The following KIF13B variants were observed in gnomAD, a reference collection of about 807,000 sequenced individuals.
The protein encoded by KIF13B is kinesin-like protein KIF13B.
Under a neutral mutation model 222.0 loss-of-function variants are expected in KIF13B, and 127 were observed. The observed-to-expected ratio is 0.57, with a 90% CI of 0.50 to 0.66. The LOEUF is 0.66. KIF13B is among the 30% of genes least tolerant of loss of function. The pLI is 0.00. For missense variants in KIF13B, 2,173 were observed against 2,379.0 expected, an observed-to-expected ratio of 0.91 and a Z score of 1.80; for synonymous variants, 976 against 919.0, an observed-to-expected ratio of 1.06 and a Z score of -1.12.
At chr8:29,104,902 G>A (rs1171751307) in intron 35 of KIF13B, among the ~76,000 whole-genome samples, 4 of 151,522 alleles carry the variant, frequency 2.6e-5, no homozygotes, top group Middle Eastern at 3.4e-3. Flanking sequence ...CCACCACCTC[G>A]CCCGGCTAAT....
At chr8:29,153,361 G>A (rs546471397) in intron 14 of KIF13B, among the ~76,000 whole-genome samples, 16 of 152,064 alleles carry the variant, frequency 1.1e-4, no homozygotes, top group Non-Finnish European at 1.5e-4. Flanking sequence ...TAAAGTCTTC[G>A]GTAACTTCCC....
Position 29,193,176 on chromosome 8 carries a change from C to T in KIF13B, c.163-2119G>A, listed in dbSNP as rs181478007. 2.0e-3 allele frequency among the ~76,000 whole-genome samples: 305 copies of T among 152,308 alleles called. 1 individual carries two copies. The highest frequency in any genetic ancestry group is 6.2e-3 in the African/African-American group (256 of 41,564). ...CCAGGAAGTGAAAGCAGACCCCCAG[C>T]GGCTGACAGCCCCTGAGAGCCCTTG... On this transcript the variant is annotated intron_variant, in intron 3 of 39. Transcript: ENST00000524189.
Position 29,165,660 on chromosome 8 carries a change from A to C in KIF13B, c.1269+2T>G. On this transcript the variant is annotated splice_donor_variant, in intron 12 of 39. Coordinates refer to ENST00000524189, the MANE Select transcript of KIF13B (RefSeq NM_015254.4). LOFTEE classifies it high-confidence loss of function. ...TGCGCTTCATCATCAGGAAACACGA[A>C]CCTGTGCAATCTCCTCCGTTTTCCT... 3 of 1,589,026 alleles carry C rather than the reference A, an allele frequency of 1.9e-6. No homozygotes were observed. Among genetic ancestry groups the C allele is most frequent in the Non-Finnish European group, 2.6e-6 (3 of 1,157,248 alleles).
chr8:29,181,843 CAAATT>C (rs1233515043), intron 7 of KIF13B, 71 bp downstream of exon 7: 2 of 960,480 alleles, frequency 2.1e-6, no homozygotes, highest in African/African-American at 1.7e-5. Context: ...TTAAAAATAA[CAAATT>C]AAGCCAAGAA....
chr8:29,136,246 G>T (rs896502987), intron 21 of KIF13B, among the ~76,000 whole-genome samples: 5 of 152,164 alleles, frequency 3.3e-5, no homozygotes, highest in Non-Finnish European at 7.4e-5. Flanking sequence ...ATGGCATTTG[G>T]GAAGATTACA....
chr8:29,137,042 C>T (rs957890057), intron 21 of KIF13B, among the ~76,000 whole-genome samples: 11 of 151,934 alleles, frequency 7.2e-5, no homozygotes, highest in East Asian at 5.8e-4. Context: ...CCTTGTGATC[C>T]GCCCGCCTCA....
intron 1 of KIF13B, among the ~76,000 whole-genome samples, chr8:29,262,162 A>C (rs1255343012): frequency 6.6e-6 from 1 of 152,188 alleles, no homozygotes; most frequent in Admixed American, 6.5e-5. Flanking sequence ...GCCAAGACCC[A>C]GCCCACCTCC....
chr8:29,108,405 G>T (rs938305401), intron 34 of KIF13B, among the ~76,000 whole-genome samples: 1 of 152,186 alleles, frequency 6.6e-6, no homozygotes, highest in Middle Eastern at 3.2e-3. Flanking sequence ...ATTTCTATAA[G>T]ATCTGGATAT....
intron 37 of KIF13B, among the ~76,000 whole-genome samples, chr8:29,081,749 G>T (rs992133685): frequency 3.3e-5 from 5 of 152,162 alleles, no homozygotes; most frequent in Non-Finnish European, 5.9e-5. Flanking sequence ...TACATGGCTC[G>T]CATTATGTAT....
Position 29,222,217 on chromosome 8 carries a change from G to A in KIF13B, c.149+23129C>T, listed in dbSNP as rs984447575. Among the ~76,000 whole-genome samples the A allele has an allele frequency of 4.6e-5, 7 of 152,032 alleles. No individual in the cohort carries two copies. The South Asian group carries it at 8.3e-4, about 18-fold the overall frequency. On this transcript the variant is annotated intron_variant, in intron 2 of 39. Transcript: ENST00000524189. ...AAAAAAAGAATTAGCTGGTCATGGT[G>A]TTGTGTGCCTGTAGCTCCAGCTACT...
intron 1 of KIF13B, among the ~76,000 whole-genome samples, chr8:29,261,227 C>G (rs1406575537): frequency 6.6e-6 from 1 of 152,146 alleles, no homozygotes; most frequent in African/African-American, 2.4e-5. Context: ...TTGTTGAACC[C>G]AAGGATCAGC....
chr8:29,095,288 T>C (rs1357210855), intron 36 of KIF13B, among the ~76,000 whole-genome samples: 1 of 152,220 alleles, frequency 6.6e-6, no homozygotes, highest in East Asian at 1.9e-4. Flanking sequence ...AAATGATGGC[T>C]GAATTCTCAG....
intron 6 of KIF13B, among the ~76,000 whole-genome samples, chr8:29,182,255 A>G (rs1230548620): frequency 1.3e-5 from 2 of 152,254 alleles, no homozygotes; most frequent in Non-Finnish European, 2.9e-5. Context: ...TACTACAAAG[A>G]ATGCAGAGTC....
chr8:29,220,235 T>C (rs926385214), intron 2 of KIF13B, among the ~76,000 whole-genome samples: 1 of 152,210 alleles, frequency 6.6e-6, no homozygotes, highest in African/African-American at 2.4e-5. Flanking sequence ...TTCTTTTGTA[T>C]AGTTAATGTA....
chr8:29,119,121 C>T (rs939390910), intron 29 of KIF13B, 129 bp from the exon 30 acceptor site: 11 of 960,446 alleles, frequency 1.1e-5, no homozygotes, highest in Non-Finnish European at 1.4e-5. Context: ...TGAAATCTTA[C>T]ATGACACTGA....
intron 2 of KIF13B, among the ~76,000 whole-genome samples, chr8:29,197,958 G>A (rs971937891): frequency 1.3e-5 from 2 of 152,208 alleles, no homozygotes; most frequent in African/African-American, 2.4e-5. Flanking sequence ...TCAACTTTCA[G>A]GGCCTGAAAC....
At chr8:29,187,172 A>G (rs1472580359) in intron 5 of KIF13B, among the ~76,000 whole-genome samples, 2 of 152,150 alleles carry the variant, frequency 1.3e-5, no homozygotes, top group African/African-American at 4.8e-5. Flanking sequence ...CCCAGAGCAA[A>G]TTAACTCACT....
At chr8:29,235,054 T>C (rs1815446944) in intron 2 of KIF13B, among the ~76,000 whole-genome samples, 1 of 152,220 alleles carries the variant, frequency 6.6e-6, no homozygotes, top group African/African-American at 2.4e-5. Flanking sequence ...ATAAACAGAA[T>C]TGTTTAATCT....
chr8:29,261,528 G>A (rs1323591673), intron 1 of KIF13B, among the ~76,000 whole-genome samples: 1 of 152,106 alleles, frequency 6.6e-6, no homozygotes, highest in African/African-American at 2.4e-5. Flanking sequence ...GATAAGTTAT[G>A]TTTCATTTGG....
Sources: gnomAD v4.1 joint callset for allele counts (sites outside exome capture counted in the v4.1 genomes callset) on GRCh38, gnomAD v4.1.1 for gene constraint, MANE v1.5 for transcripts, NCBI Gene and HGNC (gene_info 2026-07-23, HGNC 2026-07-21) for gene names.